The following MAP2K4 variants were observed in gnomAD, a reference collection of about 807,000 sequenced individuals.
The protein encoded by MAP2K4 is dual specificity mitogen-activated protein kinase kinase 4.
A neutral mutation model predicts 48.5 loss-of-function variants in MAP2K4; 4 were observed. That is an observed-to-expected ratio of 0.08 (90% CI 0.04 to 0.19). MAP2K4 has a LOEUF of 0.19. Ranked by LOEUF, MAP2K4 falls within the 10% of genes least tolerant of loss-of-function variation. The pLI, the probability that MAP2K4 is intolerant of heterozygous loss-of-function variation, is 1.00. For missense variants in MAP2K4, 258 were observed against 493.3 expected (o/e 0.52, Z 4.52); for synonymous variants, 166 against 173.1 (o/e 0.96, Z 0.32).
At chr17:12,139,715 G>T (rs1438826680) in intron 9 of MAP2K4, 124 bp from the exon 10 acceptor site, 1 of 629,926 alleles carries the variant, frequency 1.6e-6, no homozygotes, top group Non-Finnish European at 2.7e-6. Context: ...CAGGCTGTCT[G>T]CGTTGTTACT....
intron 3 of MAP2K4, among the ~76,000 whole-genome samples, chr17:12,095,227 A>T (rs1409804917): frequency 1.3e-5 from 2 of 152,204 alleles, no homozygotes; most frequent in Non-Finnish European, 2.9e-5. Context: ...ATAATTATTC[A>T]TATGAAACTG....
intron 3 of MAP2K4, among the ~76,000 whole-genome samples, chr17:12,093,183 A>G (rs1005089657): frequency 9.2e-5 from 14 of 152,214 alleles, no homozygotes; most frequent in Non-Finnish European, 1.8e-4. Context: ...ATGTTAGACT[A>G]GTAGGCCATT....
At chr17:12,123,392 C>T (rs1452729293) in intron 7 of MAP2K4, among the ~76,000 whole-genome samples, 1 of 152,132 alleles carries the variant, frequency 6.6e-6, no homozygotes, top group Non-Finnish European at 1.5e-5. Flanking sequence ...AATGGCCCCT[C>T]TTTCATTCTG....
At chr17:12,088,911 C>CTTTTT (rs5819350) in intron 3 of MAP2K4, among the ~76,000 whole-genome samples, 1 of 128,228 alleles carries the variant, frequency 7.8e-6, no homozygotes, top group Non-Finnish European at 1.7e-5. Flanking sequence ...AATACAGATT[C>CTTTTT]TTTTTTTTTT....
chr17:12,026,320 G>T (rs1969249928), intron 1 of MAP2K4, among the ~76,000 whole-genome samples: 5 of 151,684 alleles, frequency 3.3e-5, no homozygotes, highest in Admixed American at 3.3e-4. Context: ...TGAGCCCATA[G>T]AGTTTCCTTA....
intron 1 of MAP2K4, among the ~76,000 whole-genome samples, chr17:12,034,281 A>C (rs1037153366): frequency 6.6e-6 from 1 of 152,224 alleles, no homozygotes; most frequent in Non-Finnish European, 1.5e-5. Flanking sequence ...TATAGAAATG[A>C]TAGGTTTGCA....
chr17:12,088,582 A>AATATATATTAAATATATATAAT (rs1971460712), intron 3 of MAP2K4, among the ~76,000 whole-genome samples: 1 of 140,612 alleles, frequency 7.1e-6, no homozygotes, highest in East Asian at 2.0e-4. Context: ...TATAATATAT[A>AATATATATTAAATATATATAAT]ATATATATTA....
At chr17:12,073,956 T>A (rs1970909195) in intron 2 of MAP2K4, among the ~76,000 whole-genome samples, 1 of 152,030 alleles carries the variant, frequency 6.6e-6, no homozygotes, top group Non-Finnish European at 1.5e-5. Flanking sequence ...GTATTTTTAG[T>A]AGAGACGGGG....
intron 1 of MAP2K4, among the ~76,000 whole-genome samples, chr17:12,025,610 T>C (rs1969228947): frequency 6.6e-6 from 1 of 152,340 alleles, no homozygotes; most frequent in Middle Eastern, 3.4e-3. Flanking sequence ...CTTAAAGTTC[T>C]GATTTACAGA....
chr17:12,075,016 T>C (rs1970952698), intron 2 of MAP2K4, among the ~76,000 whole-genome samples: 1 of 152,174 alleles, frequency 6.6e-6, no homozygotes, highest in South Asian at 2.1e-4. Flanking sequence ...CAAGTGGAGG[T>C]GCCACATTGA....
At chr17:12,045,918 A>G (rs1027888139) in intron 1 of MAP2K4, among the ~76,000 whole-genome samples, 1 of 152,238 alleles carries the variant, frequency 6.6e-6, no homozygotes, top group Non-Finnish European at 1.5e-5. Flanking sequence ...TAGGCATCAC[A>G]TGGATTTAAA....
intron 1 of MAP2K4, among the ~76,000 whole-genome samples, chr17:12,030,138 A>G (rs1969385978): frequency 1.3e-5 from 2 of 152,068 alleles, no homozygotes; most frequent in South Asian, 4.1e-4. Flanking sequence ...TACTTTCCCA[A>G]ATCTGCACTA....
At position 12,128,402 on chromosome 17, in the gene MAP2K4, C is replaced by T. The variant is rs181190266; in HGVS notation, c.892-737C>T. 1.2e-4 allele frequency among the ~76,000 whole-genome samples: 19 copies of T among 152,198 alleles called. No individual in the cohort carries two copies. In the East Asian group the frequency reaches 3.5e-3, roughly 28 times the overall value. ...TAATTGGTAGGTTTTCATTATTTTT[C>T]AGAACAGAAAGGGAGATAGATGAGA... On this transcript the variant is annotated intron_variant, in intron 8 of 10. Transcript: ENST00000353533.
Position 12,030,360 on chromosome 17 carries a change from G to A in MAP2K4, c.115+9359G>A, listed in dbSNP as rs183904057. Among the ~76,000 whole-genome samples, 269 of 152,286 alleles carry A rather than the reference G, an allele frequency of 1.8e-3. 1 individual carries two copies. Among genetic ancestry groups the A allele is most frequent in the Non-Finnish European group, 3.0e-3 (202 of 68,024 alleles). On this transcript the variant is annotated intron_variant, in intron 1 of 10. Transcript: ENST00000353533. ...TAGTGAGAAATAATGTGGAGAGATGGATGTTTGGATGAGACCCCAGAATTC... is the reference window on the plus strand; with the variant it reads ...TAGTGAGAAATAATGTGGAGAGATGAATGTTTGGATGAGACCCCAGAATTC...
At chr17:12,073,425 A>C (rs1366010063) in intron 2 of MAP2K4, among the ~76,000 whole-genome samples, 1 of 152,194 alleles carries the variant, frequency 6.6e-6, no homozygotes, top group Middle Eastern at 3.2e-3. Flanking sequence ...AGAATACAGT[A>C]TTAGAGACCA....
intron 4 of MAP2K4, 83 bp downstream of exon 4, chr17:12,095,777 A>T (rs1567657492): frequency 1.4e-6 from 2 of 1,414,804 alleles, no homozygotes; most frequent in African/African-American, 2.8e-5. Flanking sequence ...CTATTCTTAA[A>T]TGCCATACAT....
At chr17:12,117,159 C>A (rs1315591275) in intron 7 of MAP2K4, among the ~76,000 whole-genome samples, 1 of 152,172 alleles carries the variant, frequency 6.6e-6, no homozygotes, top group East Asian at 1.9e-4. Context: ...CTAAACACTT[C>A]AGTGCATATC....
chr17:12,042,167 CAAAAAAA>C (rs71142262), intron 1 of MAP2K4, among the ~76,000 whole-genome samples: 5 of 55,400 alleles, frequency 9.0e-5, no homozygotes, highest in South Asian at 1.2e-3. Flanking sequence ...AACTTTGTCT[CAAAAAAA>C]AAAAAAAAAA....
chr17:12,025,397 A>G (rs1022086039), intron 1 of MAP2K4, among the ~76,000 whole-genome samples: 5 of 152,214 alleles, frequency 3.3e-5, no homozygotes, highest in Admixed American at 6.5e-5. Flanking sequence ...AGACATGATT[A>G]TTTGCCTGCT....
Sources: allele counts gnomAD v4.1 joint callset (sites outside exome capture counted in the v4.1 genomes callset), GRCh38; gene constraint gnomAD v4.1.1; transcripts MANE v1.5; gene names NCBI Gene and HGNC (gene_info 2026-07-23, HGNC 2026-07-21).